PTPRO: variants seen among roughly 807,000 people sequenced by gnomAD.
PTPRO encodes the protein protein tyrosine phosphatase receptor type O.
PTPRO carries 62 observed loss-of-function variants against 145.2 expected under a neutral mutation model. The observed-to-expected ratio is 0.43, with a 90% confidence interval of 0.35 to 0.53. The LOEUF (loss-of-function observed/expected upper bound fraction) is 0.53, where lower values mean the gene tolerates loss of function less well. Among genes scored for constraint, PTPRO ranks in the 20% least tolerant of loss-of-function variants. The pLI is 0.01. For missense variants in PTPRO, 1,345 were observed against 1,482.7 expected (o/e 0.91, Z 1.53); for synonymous variants, 565 against 514.7 (o/e 1.10, Z -1.32).
At chr12:15,437,374 C>G (rs1056864236) in intron 1 of PTPRO, among the ~76,000 whole-genome samples, 1 of 151,906 alleles carries the variant, frequency 6.6e-6, no homozygotes, top group African/African-American at 2.4e-5. Flanking sequence ...CCAAGAAGAT[C>G]TCTAGACTTT....
intron 1 of PTPRO, chr12:15,348,763 G>A (rs1016885205): frequency 6.6e-6 from 1 of 151,332 alleles, no homozygotes; most frequent in Non-Finnish European, 1.5e-5. Flanking sequence ...ATTCCACCCT[G>A]GGCGACAGCG....
At chr12:15,431,387 T>C (rs1299150501) in intron 1 of PTPRO, among the ~76,000 whole-genome samples, 3 of 152,196 alleles carry the variant, frequency 2.0e-5, no homozygotes, top group African/African-American at 7.2e-5. Context: ...AACTATACCA[T>C]ATAATTATTT....
At chr12:15,363,458 A>G (rs1938269876) in intron 1 of PTPRO, among the ~76,000 whole-genome samples, 2 of 152,130 alleles carry the variant, frequency 1.3e-5, no homozygotes, top group South Asian at 4.1e-4. Context: ...AAAGACTTTA[A>G]TAGGCCAGAG....
At chr12:15,414,137 C>T (rs1591790387) in intron 1 of PTPRO, among the ~76,000 whole-genome samples, 1 of 152,222 alleles carries the variant, frequency 6.6e-6, no homozygotes, top group African/African-American at 2.4e-5. Context: ...TGTTAAAATA[C>T]TGATACCCAG....
intron 9 of PTPRO, 48 bp from the exon 10 acceptor site, chr12:15,520,153 T>C (rs1222439230): frequency 1.6e-6 from 2 of 1,267,800 alleles, no homozygotes; most frequent in Non-Finnish European, 1.2e-6. Context: ...CCAAAAATAG[T>C]ACTTTCTCCC....
intron 1 of PTPRO, chr12:15,410,426 C>A (rs74069060): frequency 0.13 from 19,783 of 152,182 alleles, 1,468 homozygotes; most frequent in South Asian, 0.23. Flanking sequence ...GCTGGGTTCA[C>A]CTGCTCTCTG....
At chr12:15,579,896 A>G (rs1299774493) in intron 20 of PTPRO, 143 bp from the exon 21 acceptor site, 1 of 682,434 alleles carries the variant, frequency 1.5e-6, no homozygotes, top group African/African-American at 1.8e-5. Flanking sequence ...CCAAAGTTGA[A>G]GAATAGCTAA....
intron 9 of PTPRO, 166 bp downstream of exon 9, chr12:15,517,122 C>A: frequency 6.8e-6 from 5 of 732,092 alleles, no homozygotes; most frequent in South Asian, 6.6e-5. Context: ...CAAGACTGAG[C>A]AATTTACAAA....
intron 1 of PTPRO, among the ~76,000 whole-genome samples, chr12:15,385,263 G>A (rs1938986984): frequency 6.6e-6 from 1 of 152,112 alleles, no homozygotes; most frequent in African/African-American, 2.4e-5. Context: ...AAGACAATAA[G>A]GGAAGTCCAG....
At chr12:15,433,044 G>C (rs922007335) in intron 1 of PTPRO, among the ~76,000 whole-genome samples, 1 of 151,152 alleles carries the variant, frequency 6.6e-6, no homozygotes, top group Non-Finnish European at 1.5e-5. Context: ...AGTTTAATTA[G>C]ATCCCAATTG....
intron 12 of PTPRO, among the ~76,000 whole-genome samples, chr12:15,528,200 A>G (rs1201182571): frequency 6.6e-6 from 1 of 151,948 alleles, no homozygotes. Context: ...GACTGAAAGT[A>G]AGTGAAGTCT....
chr12:15,503,160 T>C (rs1195073405), intron 5 of PTPRO, among the ~76,000 whole-genome samples: 1 of 152,170 alleles, frequency 6.6e-6, no homozygotes, highest in Non-Finnish European at 1.5e-5. Flanking sequence ...AATATGTTCC[T>C]ACGGCAAATA....
At chr12:15,442,887 G>T (rs1239815785) in intron 1 of PTPRO, among the ~76,000 whole-genome samples, 12 of 151,798 alleles carry the variant, frequency 7.9e-5, no homozygotes, top group Admixed American at 4.6e-4. Flanking sequence ...CATTAAATTG[G>T]CCATGCTGCC....
chr12:15,495,907 G>C (rs2080471), intron 2 of PTPRO, among the ~76,000 whole-genome samples: 151,987 of 152,268 alleles, frequency 1, 75,854 homozygotes, highest in Non-Finnish European at 1. Context: ...AGCAGGACAA[G>C]AAAGGGGGGA....
intron 1 of PTPRO, among the ~76,000 whole-genome samples, chr12:15,463,447 G>A (rs1002168374): frequency 6.6e-6 from 1 of 152,032 alleles, no homozygotes; most frequent in Admixed American, 6.6e-5. Flanking sequence ...CTGCAAATCA[G>A]AAACAAATTA....
intron 1 of PTPRO, among the ~76,000 whole-genome samples, chr12:15,451,871 T>C (rs12426575): frequency 0.21 from 31,511 of 152,162 alleles, 4,106 homozygotes; most frequent in Admixed American, 0.3. Flanking sequence ...TTCATAGCCT[T>C]GAATGCCTAC....
intron 16 of PTPRO, 26 bp downstream of exon 16, chr12:15,557,549 C>T (rs748414833): frequency 3.1e-6 from 5 of 1,599,524 alleles, no homozygotes; most frequent in Non-Finnish European, 3.4e-6. Context: ...GAACAAGCTT[C>T]TACATAGTTT....
At chr12:15,583,496 C>CAA (rs1555095994) in intron 23 of PTPRO, among the ~76,000 whole-genome samples, 32 of 149,730 alleles carry the variant, frequency 2.1e-4, no homozygotes, top group Admixed American at 5.3e-4. Flanking sequence ...CACACACACA[C>CAA]ACAAAAAAAA....
intron 19 of PTPRO, among the ~76,000 whole-genome samples, chr12:15,571,612 G>A (rs542253360): frequency 6.6e-6 from 1 of 152,322 alleles, no homozygotes; most frequent in South Asian, 2.1e-4. Context: ...GTGAAAAGCA[G>A]CCAACAACAA....
Sources: gnomAD v4.1 joint callset for allele counts (sites outside exome capture counted in the v4.1 genomes callset) on GRCh38, gnomAD v4.1.1 for gene constraint, MANE v1.5 for transcripts, NCBI Gene and HGNC (gene_info 2026-07-23, HGNC 2026-07-21) for gene names.